MTCH2: variants seen among roughly 807,000 people sequenced by gnomAD.
MTCH2 encodes mitochondrial carrier 2, also known as mitochondrial carrier homolog 2.
MTCH2 carries 25 observed loss-of-function variants against 50.6 expected under a neutral mutation model. The ratio of observed to expected loss-of-function variants is 0.49; its 90% confidence interval spans 0.36 to 0.69. The LOEUF (loss-of-function observed/expected upper bound fraction) is 0.69, where lower values mean the gene tolerates loss of function less well. Among genes scored for constraint, MTCH2 ranks in the 30% least tolerant of loss-of-function variants. MTCH2 has a pLI of 0.00. For missense variants in MTCH2, 273 were observed against 384.4 expected, an observed-to-expected ratio of 0.71 and a Z score of 2.42; for synonymous variants, 106 against 132.0, an observed-to-expected ratio of 0.80 and a Z score of 1.35.
rs774415313 is a variant in MTCH2, at chr11:47,618,904, C to T, written c.841G>A (p.Gly281Arg). The change falls in exon 13 of 13, where the codon GGA becomes AGA. Residue 281 changes from glycine to arginine, a missense_variant. Coordinates refer to ENST00000302503, the MANE Select transcript of MTCH2 (RefSeq NM_014342.4). ...ACCTTCCGGAAAAATAAGCTATTTC[C>T]TCGGCTCATATTCCCCTGGAAAACA... ...MLQKEGNMSR[G>R]NSLFFRKVPF... 1 of 1,361,228 alleles carries T rather than the reference C, an allele frequency of 7.3e-7. No individual in the cohort carries two copies. Among genetic ancestry groups the T allele is most frequent in the Non-Finnish European group, 9.5e-7 (1 of 1,050,412 alleles). The allele number at this position is 1,361,228 out of a possible 1,614,324, so 84.3% of individuals were successfully genotyped here.
At chr11:47,637,728 A>G (rs761819474) in intron 3 of MTCH2, among the ~76,000 whole-genome samples, 11 of 152,222 alleles carry the variant, frequency 7.2e-5, no homozygotes, top group Non-Finnish European at 1.5e-4. Flanking sequence ...AAAAATAGAC[A>G]ACATTTTCTC....
downstream of MTCH2, among the ~76,000 whole-genome samples, chr11:47,613,926 AT>A (rs1360096402): frequency 6.6e-6 from 1 of 152,160 alleles, no homozygotes; most frequent in African/African-American, 2.4e-5. Context: ...TCTACTAAAA[AT>A]ACAAAAAAAT....
intron 12 of MTCH2, among the ~76,000 whole-genome samples, chr11:47,619,963 G>C (rs893523904): frequency 6.6e-6 from 1 of 152,184 alleles, no homozygotes; most frequent in African/African-American, 2.4e-5. Context: ...TGTAATCCCA[G>C]CTACTCAGGA....
chr11:47,616,791 C>G (rs2097288681), downstream of MTCH2, among the ~76,000 whole-genome samples: 2 of 151,530 alleles, frequency 1.3e-5, no homozygotes, highest in South Asian at 4.2e-4. Context: ...TCAAGAGATT[C>G]TCCTGCCTCA....
downstream of MTCH2, among the ~76,000 whole-genome samples, chr11:47,616,681 TC>T (rs1228784380): frequency 7.9e-5 from 12 of 151,026 alleles, no homozygotes; most frequent in Non-Finnish European, 1.8e-4. Flanking sequence ...TCTTTTTTTT[TC>T]TTTTTTTTTT....
intron 2 of MTCH2, 72 bp from the exon 3 acceptor site, chr11:47,638,877 C>G (rs1565977193): frequency 4.4e-6 from 7 of 1,575,850 alleles, no homozygotes; most frequent in Middle Eastern, 1.7e-4. Context: ...TTCAAAGAAA[C>G]AAGCTTTCTA....
At chr11:47,615,100 G>A (rs531527221), downstream of MTCH2, among the ~76,000 whole-genome samples, 2 of 118,652 alleles carry the variant, frequency 1.7e-5, no homozygotes, top group African/African-American at 3.2e-5. Context: ...GCAGTGGTGC[G>A]ACCATAGGTC....
At chr11:47,613,688 G>T (rs1330588970), downstream of MTCH2, among the ~76,000 whole-genome samples, 1 of 151,484 alleles carries the variant, frequency 6.6e-6, no homozygotes, top group African/African-American at 2.4e-5. Flanking sequence ...TTCTGCAGAG[G>T]CAAGATCTGT....
intron 12 of MTCH2, among the ~76,000 whole-genome samples, chr11:47,620,318 A>G (rs1182575385): frequency 6.6e-6 from 1 of 151,936 alleles, no homozygotes; most frequent in Non-Finnish European, 1.5e-5. Context: ...AAAACAAAAA[A>G]ATGAGCTGGG....
the MTCH2 span, among the ~76,000 whole-genome samples, chr11:47,609,954 AG>A: frequency 6.6e-6 from 1 of 152,230 alleles, no homozygotes; most frequent in African/African-American, 2.4e-5. Flanking sequence ...AGGGAGGGGT[AG>A]GGAGGACACA....
At chr11:47,635,444 A>G in intron 4 of MTCH2, 101 bp downstream of exon 4, 1 of 1,308,036 alleles carries the variant, frequency 7.6e-7, no homozygotes, top group Non-Finnish European at 1.1e-6. Context: ...ACTGAGATGA[A>G]TAGGAGACTG....
intron 5 of MTCH2, among the ~76,000 whole-genome samples, chr11:47,634,376 G>A (rs182678297): frequency 6.6e-6 from 1 of 152,086 alleles, no homozygotes; most frequent in African/African-American, 2.4e-5. Flanking sequence ...CACCACACCT[G>A]GCCTATTTTA....
intron 10 of MTCH2, 67 bp from the exon 11 acceptor site, chr11:47,625,808 T>G: frequency 1.1e-5 from 14 of 1,302,466 alleles, no homozygotes; most frequent in South Asian, 2.5e-5. Context: ...TTCCTTTACC[T>G]TAAAGGCCTA....
intron 5 of MTCH2, among the ~76,000 whole-genome samples, chr11:47,632,403 G>C (rs1049451960): frequency 2.6e-5 from 4 of 151,184 alleles, no homozygotes; most frequent in African/African-American, 9.7e-5. Flanking sequence ...ACCCACGCTG[G>C]AGTGCAGTGG....
the MTCH2 span, among the ~76,000 whole-genome samples, chr11:47,607,282 A>C: frequency 6.6e-6 from 1 of 152,190 alleles, no homozygotes; most frequent in South Asian, 2.1e-4. Flanking sequence ...GCTTAGCTTC[A>C]TGGAGTCTCA....
chr11:47,604,680 T>C, the MTCH2 span, among the ~76,000 whole-genome samples: 13 of 152,216 alleles, frequency 8.5e-5, no homozygotes, highest in Admixed American at 8.5e-4. Flanking sequence ...ATGATACATA[T>C]ATACAGTAGA....
intron 1 of MTCH2, among the ~76,000 whole-genome samples, chr11:47,640,310 CAA>C (rs991054772): frequency 6.6e-6 from 1 of 152,124 alleles, no homozygotes; most frequent in African/African-American, 2.4e-5. Context: ...GTCTGGGTGA[CAA>C]GAGCAAAACT....
At chr11:47,611,377 G>A in the MTCH2 span, among the ~76,000 whole-genome samples, 2 of 152,218 alleles carry the variant, frequency 1.3e-5, no homozygotes, top group African/African-American at 4.8e-5. Flanking sequence ...ACTCTCACCA[G>A]TCTGATGCCA....
At chr11:47,615,834 C>G (rs1021359259), downstream of MTCH2, among the ~76,000 whole-genome samples, 1 of 150,806 alleles carries the variant, frequency 6.6e-6, no homozygotes, top group East Asian at 2.0e-4. Flanking sequence ...CCATGTTGGT[C>G]AGGCTGGTCT....
Sources: gnomAD v4.1 joint callset for allele counts (sites outside exome capture counted in the v4.1 genomes callset) on GRCh38, gnomAD v4.1.1 for gene constraint, MANE v1.5 for transcripts, NCBI Gene and HGNC (gene_info 2026-07-23, HGNC 2026-07-21) for gene names.